TSHZ2: variants seen among roughly 807,000 people sequenced by gnomAD.
The protein encoded by TSHZ2 is teashirt homolog 2.
Under a neutral mutation model 74.4 loss-of-function variants are expected in TSHZ2, and 21 were observed. The ratio of observed to expected loss-of-function variants is 0.28; its 90% CI spans 0.20 to 0.41. The LOEUF (loss-of-function observed/expected upper bound fraction) is 0.41. TSHZ2 is among the 10% of genes least tolerant of loss of function. The pLI is 1.00. For synonymous variants in TSHZ2, 540 were observed against 515.3 expected (o/e 1.05, Z -0.65); for missense variants, 1,244 against 1,293.5 (o/e 0.96, Z 0.59).
chr20:53,076,042 C>A (rs1415431709), intron 1 of TSHZ2, among the ~76,000 whole-genome samples: 1 of 152,190 alleles, frequency 6.6e-6, no homozygotes, highest in African/African-American at 2.4e-5. Context: ...TTCCTTTCGA[C>A]TCTGAGACCC....
At chr20:53,410,587 C>CATCATT (rs74177497) in intron 2 of TSHZ2, among the ~76,000 whole-genome samples, 4 of 141,846 alleles carry the variant, frequency 2.8e-5, no homozygotes, top group Admixed American at 7.1e-5. Context: ...ATTATCGTCA[C>CATCATT]ATTATTATTA....
At chr20:53,330,675 CA>C (rs1345326981) in intron 2 of TSHZ2, among the ~76,000 whole-genome samples, 1 of 152,038 alleles carries the variant, frequency 6.6e-6, no homozygotes, top group Non-Finnish European at 1.5e-5. Context: ...ATCATCTTGA[CA>C]CTAAAAAAAG....
chr20:52,983,464 T>A (rs1050669627), intron 1 of TSHZ2, among the ~76,000 whole-genome samples: 14 of 152,172 alleles, frequency 9.2e-5, no homozygotes, highest in African/African-American at 3.1e-4. Context: ...AACCAAATAT[T>A]TCCTGATGAA....
intron 1 of TSHZ2, among the ~76,000 whole-genome samples, chr20:53,106,987 C>T (rs1250961228): frequency 1.3e-5 from 2 of 152,134 alleles, no homozygotes; most frequent in South Asian, 2.1e-4. Context: ...CGTGAGCCAC[C>T]GCGCCTGGCC....
At chr20:53,017,746 A>G (rs1388947327) in intron 1 of TSHZ2, among the ~76,000 whole-genome samples, 1 of 152,180 alleles carries the variant, frequency 6.6e-6, no homozygotes. Context: ...GGAAGTATTT[A>G]TCATCCCTTC....
At chr20:53,261,590 T>A (rs930908871) in intron 2 of TSHZ2, among the ~76,000 whole-genome samples, 2 of 152,202 alleles carry the variant, frequency 1.3e-5, no homozygotes, top group African/African-American at 4.8e-5. Context: ...TCAAAAATAT[T>A]TGGCTTAACT....
At chr20:53,205,138 T>C (rs1310724681) in intron 1 of TSHZ2, among the ~76,000 whole-genome samples, 1 of 151,156 alleles carries the variant, frequency 6.6e-6, no homozygotes, top group Non-Finnish European at 1.5e-5. Flanking sequence ...CACACAGTTA[T>C]CACGTGAGCG....
chr20:53,064,834 G>C (rs530510091), intron 1 of TSHZ2, among the ~76,000 whole-genome samples: 1 of 152,278 alleles, frequency 6.6e-6, no homozygotes, highest in South Asian at 2.1e-4. Context: ...CTGCCTTTAA[G>C]ATATGATACT....
intron 1 of TSHZ2, among the ~76,000 whole-genome samples, chr20:53,024,696 T>C (rs2123043212): frequency 6.6e-6 from 1 of 152,232 alleles, no homozygotes; most frequent in South Asian, 2.1e-4. Flanking sequence ...CCCCACTGTG[T>C]CCATGTGTTC....
intron 2 of TSHZ2, among the ~76,000 whole-genome samples, chr20:53,279,245 A>T (rs1465713460): frequency 6.6e-6 from 1 of 152,134 alleles, no homozygotes; most frequent in Non-Finnish European, 1.5e-5. Flanking sequence ...GTTCAAGCTC[A>T]TGTTGTTCAA....
chr20:53,095,335 A>G (rs1251970774), intron 1 of TSHZ2, among the ~76,000 whole-genome samples: 3 of 152,160 alleles, frequency 2.0e-5, no homozygotes, highest in Non-Finnish European at 4.4e-5. Context: ...GTTCTAGGCA[A>G]TATCTCATGA....
chr20:52,993,135 C>T (rs73134650), intron 1 of TSHZ2, among the ~76,000 whole-genome samples: 7,148 of 152,230 alleles, frequency 0.047, 303 homozygotes, highest in East Asian at 0.23. Flanking sequence ...TTTCAGCCAA[C>T]ATTCTCATTT....
intron 1 of TSHZ2, among the ~76,000 whole-genome samples, chr20:53,249,219 C>G (rs977634819): frequency 2.6e-5 from 4 of 152,176 alleles, no homozygotes; most frequent in African/African-American, 9.7e-5. Flanking sequence ...TGAGGGTGGG[C>G]AGATCTTTAC....
At chr20:53,077,640 C>T (rs1164074247) in intron 1 of TSHZ2, among the ~76,000 whole-genome samples, 1 of 152,062 alleles carries the variant, frequency 6.6e-6, no homozygotes, top group Non-Finnish European at 1.5e-5. Context: ...TACACAGCAG[C>T]CAAGCCTGAG....
intron 2 of TSHZ2, among the ~76,000 whole-genome samples, chr20:53,365,017 G>T (rs1212678699): frequency 6.6e-6 from 1 of 152,376 alleles, no homozygotes. Flanking sequence ...CCAACAGGCA[G>T]AACAGCCAAA....
chr20:53,009,430 G>A (rs62206659), intron 1 of TSHZ2, among the ~76,000 whole-genome samples: 2 of 152,104 alleles, frequency 1.3e-5, no homozygotes, highest in South Asian at 2.1e-4. Flanking sequence ...ATGATAAACC[G>A]TGTGTGCAAA....
intron 2 of TSHZ2, among the ~76,000 whole-genome samples, chr20:53,486,621 C>T (rs972992641): frequency 6.6e-6 from 1 of 152,046 alleles, no homozygotes; most frequent in South Asian, 2.1e-4. Context: ...TTGAGGTTGC[C>T]GTGAGCCGTG....
intron 1 of TSHZ2, among the ~76,000 whole-genome samples, chr20:53,168,424 G>T (rs1227632020): frequency 6.6e-6 from 1 of 152,174 alleles, no homozygotes; most frequent in South Asian, 2.1e-4. Context: ...AACTCCAAAA[G>T]AGTTAAAATC....
intron 1 of TSHZ2, among the ~76,000 whole-genome samples, chr20:53,182,441 G>A (rs144579457): frequency 5.5e-4 from 84 of 152,308 alleles, no homozygotes; most frequent in African/African-American, 2.0e-3. Flanking sequence ...ATCCAGTCAT[G>A]AGCCACCTCT....
Sources: allele counts gnomAD v4.1 joint callset (sites outside exome capture counted in the v4.1 genomes callset), GRCh38; gene constraint gnomAD v4.1.1; transcripts MANE v1.5; gene names NCBI Gene and HGNC (gene_info 2026-07-23, HGNC 2026-07-21).